KIRREL1: variants seen among roughly 807,000 people sequenced by gnomAD.
KIRREL1 encodes kin of IRRE-like protein 1.
KIRREL1 carries 25 observed loss-of-function variants against 83.3 expected under a neutral mutation model. The ratio of observed to expected loss-of-function variants is 0.30; its 90% CI spans 0.22 to 0.42. The LOEUF (loss-of-function observed/expected upper bound fraction) is 0.42, where lower values mean the gene tolerates loss of function less well. Ranked by LOEUF, KIRREL1 falls within the 10% of genes least tolerant of loss-of-function variation. The pLI is 1.00. For synonymous variants in KIRREL1, 388 were observed against 410.4 expected (o/e 0.95, Z 0.66); for missense variants, 812 against 1,032.3 (o/e 0.79, Z 2.92).
In KIRREL1 at chr1:158,093,668, C is replaced by G. The variant is rs1279802114; in HGVS notation, c.1625C>G (p.Thr542Arg). 1 of 1,614,204 alleles carries G rather than the reference C, an allele frequency of 6.2e-7. No homozygotes were observed. Among genetic ancestry groups the G allele is most frequent in the Non-Finnish European group, 8.5e-7 (1 of 1,180,036 alleles). The part of the protein sequence containing the change: ...TLRKLDIKVE[T>R]VNREPLTMHS... ...AGGAAGCTGGATATCAAGGTGGAGA[C>G]AGTGAACCGAGAGCCACTTACGATG... The change falls in exon 13 of 15, where the codon ACA (threonine) becomes AGA (arginine). Residue 542 changes from threonine (T) to arginine (R), a missense_variant. Coordinates refer to ENST00000359209, the MANE Select transcript of KIRREL1 (RefSeq NM_018240.7).
rs1038794850 is a variant in KIRREL1, at chr1:158,098,396, C to T, written c.*3276C>T. 6.6e-6 allele frequency: 1 copy of T among 152,280 alleles called. No individual in the cohort carries two copies. Among genetic ancestry groups the T allele is most frequent in the Non-Finnish European group, 1.5e-5 (1 of 68,068 alleles). The allele number at this position is 152,280 out of a possible 1,614,324, so 9.4% of individuals were successfully genotyped here. A position where few individuals can be genotyped will look rare whatever the true frequency, so the allele number is the denominator to read the frequency against. ...CACCCTGATCCTTAGGAACATTCCT[C>T]TGGCCCAGGGACAGCTTGTTCTTCT... On this transcript the variant is annotated 3_prime_UTR_variant, in exon 15 of 15. Transcript: ENST00000359209.
chr1:158,057,883 A>G (rs1331921603), intron 1 of KIRREL1, among the ~76,000 whole-genome samples: 3 of 152,226 alleles, frequency 2.0e-5, no homozygotes, highest in African/African-American at 7.2e-5. Flanking sequence ...AAACGAGGCC[A>G]TTGAAAAGGT....
chr1:158,062,295 C>T (rs1277624280), intron 1 of KIRREL1, among the ~76,000 whole-genome samples: 1 of 152,208 alleles, frequency 6.6e-6, no homozygotes, highest in East Asian at 1.9e-4. Flanking sequence ...CTCCTCTATG[C>T]AAGCCTCTGC....
intron 1 of KIRREL1, among the ~76,000 whole-genome samples, chr1:158,034,012 G>A (rs1391599471): frequency 1.3e-5 from 2 of 150,028 alleles, no homozygotes; most frequent in East Asian, 2.0e-4. Flanking sequence ...GGTGGCTCAC[G>A]CCTGTAATCC....
At chr1:158,025,362 G>A (rs1006599967) in intron 1 of KIRREL1, among the ~76,000 whole-genome samples, 1 of 152,078 alleles carries the variant, frequency 6.6e-6, no homozygotes, top group Non-Finnish European at 1.5e-5. Context: ...AAGGGGAGCT[G>A]GGAATAAGCA....
intron 1 of KIRREL1, among the ~76,000 whole-genome samples, chr1:158,013,348 C>T (rs569335641): frequency 5.2e-4 from 79 of 152,096 alleles, no homozygotes; most frequent in Admixed American, 1.7e-3. Context: ...GCAGAGTGGA[C>T]GGAGGACCTG....
intron 11 of KIRREL1, among the ~76,000 whole-genome samples, chr1:158,092,497 G>A (rs547119359): frequency 1.1e-4 from 16 of 152,042 alleles, no homozygotes; most frequent in African/African-American, 2.7e-4. Flanking sequence ...ACAGGCACCC[G>A]CCACTACGCC....
chr1:158,073,360 G>C (rs555182157), intron 1 of KIRREL1, among the ~76,000 whole-genome samples: 2 of 152,110 alleles, frequency 1.3e-5, no homozygotes, highest in African/African-American at 2.4e-5. Flanking sequence ...TCCTATTCAG[G>C]TTTCCAGTTG....
intron 11 of KIRREL1, among the ~76,000 whole-genome samples, chr1:158,093,093 G>C (rs749439888): frequency 5.9e-5 from 9 of 152,180 alleles, no homozygotes; most frequent in Non-Finnish European, 8.8e-5. Flanking sequence ...GCAGGGATGA[G>C]ACATGACCAT....
chr1:158,053,110 G>GTCC (rs1660952546), intron 1 of KIRREL1, among the ~76,000 whole-genome samples: 2 of 152,114 alleles, frequency 1.3e-5, no homozygotes, highest in Non-Finnish European at 2.9e-5. Flanking sequence ...TTCCACACAA[G>GTCC]ATTTGGAGGG....
chr1:158,088,476 CTTTTTTTTT>C, intron 8 of KIRREL1, 22 bp downstream of exon 8: 96 of 828,226 alleles, frequency 1.2e-4, no homozygotes, highest in Middle Eastern at 5.0e-4. Context: ...ACTGCCTGTT[CTTTTTTTTT>C]TTTTTTTTTT....
intron 1 of KIRREL1, among the ~76,000 whole-genome samples, chr1:157,999,077 C>T (rs1659285082): frequency 2.6e-5 from 4 of 152,156 alleles, no homozygotes; most frequent in African/African-American, 9.7e-5. Flanking sequence ...AGAGTTAAGG[C>T]AGCTGTGGAA....
chr1:158,010,393 GCATACACACA>G (rs1659647460), intron 1 of KIRREL1, among the ~76,000 whole-genome samples: 1 of 12,570 alleles, frequency 8.0e-5, no homozygotes, highest in African/African-American at 3.3e-4. Context: ...TCACACACAT[GCATACACACA>G]CACACACACA....
At chr1:158,044,768 T>C (rs1219722319) in intron 1 of KIRREL1, among the ~76,000 whole-genome samples, 1 of 152,100 alleles carries the variant, frequency 6.6e-6, no homozygotes, top group Non-Finnish European at 1.5e-5. Context: ...CAGGCCCTTT[T>C]TCCAAGTGCT....
At chr1:158,020,396 A>G (rs1659971350) in intron 1 of KIRREL1, among the ~76,000 whole-genome samples, 1 of 152,034 alleles carries the variant, frequency 6.6e-6, no homozygotes, top group African/African-American at 2.4e-5. Context: ...AGAATGAACT[A>G]TTATTTTTGG....
rs1300936437 is a variant in KIRREL1 at position 158,096,523 on chromosome 1, G to C, written c.*1403G>C. On this transcript the variant is annotated 3_prime_UTR_variant, in exon 15 of 15. Transcript: ENST00000359209. ...TGTTAAGTGTTACAGTGTTAGGAGA[G>C]AGATGGGTGAGGGGACCTGGAGAGG... The C allele has an allele frequency of 2.2e-6, 1 of 455,880 alleles. No homozygotes were observed. The highest frequency in any genetic ancestry group is 1.6e-5 in the South Asian group (1 of 64,438). 28.2% of individuals were successfully genotyped at this position (455,880 alleles called of 1,614,324 possible).
chr1:158,084,714 C>A, intron 4 of KIRREL1, 135 bp downstream of exon 4: 1 of 890,612 alleles, frequency 1.1e-6, no homozygotes, highest in Non-Finnish European at 1.7e-6. Flanking sequence ...GTTCAACCCT[C>A]TCATTCTACA....
chr1:157,999,152 C>T (rs1476358118), intron 1 of KIRREL1, among the ~76,000 whole-genome samples: 1 of 152,210 alleles, frequency 6.6e-6, no homozygotes, highest in African/African-American at 2.4e-5. Context: ...GCCCCCTTCC[C>T]TAGTTCTCAG....
chr1:158,063,687 C>T (rs956019915), intron 1 of KIRREL1, among the ~76,000 whole-genome samples: 38 of 152,236 alleles, frequency 2.5e-4, no homozygotes, highest in African/African-American at 8.0e-4. Flanking sequence ...ACTTTCCCAA[C>T]TTCACACTGC....
Sources: gnomAD v4.1 joint callset for allele counts (sites outside exome capture counted in the v4.1 genomes callset) on GRCh38, gnomAD v4.1.1 for gene constraint, MANE v1.5 for transcripts, NCBI Gene and HGNC (gene_info 2026-07-23, HGNC 2026-07-21) for gene names.